The following HTR1E variants were observed in gnomAD, a reference collection of about 807,000 sequenced individuals.
HTR1E encodes the protein 5-hydroxytryptamine receptor 1E, also known as 5-HT-1E.
A neutral mutation model predicts 3.4 loss-of-function variants in HTR1E; 3 were observed. That is an observed-to-expected ratio of 0.89 (90% CI 0.41 to 2.31). HTR1E has a LOEUF of 2.31. Ranked by LOEUF, HTR1E falls within the 30% of genes most tolerant of loss-of-function variation. HTR1E has a pLI of 0.05. For synonymous variants in HTR1E, 170 were observed against 182.8 expected, an observed-to-expected ratio of 0.93 and a Z score of 0.56; for missense variants, 392 against 467.0, an observed-to-expected ratio of 0.84 and a Z score of 1.48.
At chr6:86,965,878 T>C (rs1469531043) in intron 1 of HTR1E, among the ~76,000 whole-genome samples, 2 of 152,016 alleles carry the variant, frequency 1.3e-5, no homozygotes, top group Non-Finnish European at 2.9e-5. Context: ...GGCTGAGGGA[T>C]AAAAGAATGC....
chr6:86,961,591 G>A (rs181696976), intron 1 of HTR1E, among the ~76,000 whole-genome samples: 10 of 152,220 alleles, frequency 6.6e-5, no homozygotes, highest in South Asian at 2.1e-4. Flanking sequence ...TGCCAAGTGC[G>A]TCAGCGTGTA....
chr6:86,981,865 C>T (rs1210589290), intron 1 of HTR1E, among the ~76,000 whole-genome samples: 1 of 151,946 alleles, frequency 6.6e-6, no homozygotes, highest in Admixed American at 6.6e-5. Flanking sequence ...ATGCCTCTAT[C>T]CTTGTTACCC....
chr6:86,980,171 A>T (rs1767691505), intron 1 of HTR1E, among the ~76,000 whole-genome samples: 1 of 152,094 alleles, frequency 6.6e-6, no homozygotes, highest in Non-Finnish European at 1.5e-5. Flanking sequence ...GCGGATCATG[A>T]GGTCATGAGA....
intron 1 of HTR1E, among the ~76,000 whole-genome samples, chr6:86,954,380 C>G (rs1316418059): frequency 1.3e-5 from 2 of 152,148 alleles, no homozygotes; most frequent in Non-Finnish European, 2.9e-5. Flanking sequence ...TAGAGGCCTG[C>G]CCCACAAATC....
intron 1 of HTR1E, among the ~76,000 whole-genome samples, chr6:86,974,108 T>C (rs1033246524): frequency 6.6e-6 from 1 of 152,198 alleles, no homozygotes; most frequent in Non-Finnish European, 1.5e-5. Flanking sequence ...TTTTTATGTT[T>C]TTACCTTTTT....
intron 1 of HTR1E, among the ~76,000 whole-genome samples, chr6:86,969,131 G>A (rs1305554794): frequency 2.0e-5 from 3 of 152,002 alleles, no homozygotes; most frequent in Non-Finnish European, 4.4e-5. Flanking sequence ...GTTTAGAAAC[G>A]CAGACATTCC....
At chr6:86,996,319 C>G (rs1362258064) in intron 1 of HTR1E, among the ~76,000 whole-genome samples, 1 of 152,056 alleles carries the variant, frequency 6.6e-6, no homozygotes, top group Non-Finnish European at 1.5e-5. Context: ...AGGAAAATCT[C>G]TAAACAGAAA....
rs779395495 is a variant in HTR1E, at chr6:87,016,509, T to A, written c.*77T>A. ...GGGGTAAGGGGTGCAACTTATTAAT[T>A]CTTGAACATACTTGGTTCAGGAGAG... On this transcript the variant is annotated 3_prime_UTR_variant, in exon 2 of 2. Transcript: ENST00000305344. 25 of 1,225,314 alleles carry A rather than the reference T, an allele frequency of 2.0e-5. No individual in the cohort carries two copies. Among genetic ancestry groups the A allele is most frequent in the Non-Finnish European group, 2.9e-5 (25 of 871,940 alleles). The allele number at this position is 1,225,314 out of a possible 1,614,324, so 75.9% of individuals were successfully genotyped here. A position where few individuals can be genotyped will look rare whatever the true frequency, so the allele number is the denominator to read the frequency against.
intron 1 of HTR1E, among the ~76,000 whole-genome samples, chr6:86,995,119 A>C (rs1404439606): frequency 6.6e-6 from 1 of 152,028 alleles, no homozygotes; most frequent in Non-Finnish European, 1.5e-5. Flanking sequence ...TGGCATACTT[A>C]AGGATTAACA....
chr6:86,972,907 A>G (rs570491346), intron 1 of HTR1E, among the ~76,000 whole-genome samples: 1 of 152,338 alleles, frequency 6.6e-6, no homozygotes, highest in South Asian at 2.1e-4. Flanking sequence ...TTCTGTTTTC[A>G]TAACTAGATC....
At position 87,010,545 on chromosome 6, in the gene HTR1E, C is replaced by T. The variant is rs567705284; in HGVS notation, c.-185-4605C>T. ...GCAGAGGCGCTCCCCACATCTCAGA[C>T]GATGGGCGGCCGGGCAGAGACGCTC... On this transcript the variant is annotated intron_variant, in intron 1 of 1. Transcript: ENST00000305344. 5.3e-3 allele frequency among the ~76,000 whole-genome samples: 709 copies of T among 134,922 alleles called. 2 individuals carry two copies. Among genetic ancestry groups the T allele is most frequent in the Non-Finnish European group, 7.9e-3 (495 of 62,388 alleles). 88.5% of individuals were successfully genotyped at this position (134,922 alleles called of 152,430 possible). A position where few individuals can be genotyped will look rare whatever the true frequency, so the allele number is the denominator to read the frequency against.
chr6:87,010,856 G>A (rs889077634), intron 1 of HTR1E, among the ~76,000 whole-genome samples: 20 of 152,108 alleles, frequency 1.3e-4, no homozygotes, highest in African/African-American at 4.6e-4. Context: ...GCTGCCTCCC[G>A]GGCGGCGCTC....
At chr6:86,966,085 C>T (rs777741947) in intron 1 of HTR1E, among the ~76,000 whole-genome samples, 32 of 151,898 alleles carry the variant, frequency 2.1e-4, no homozygotes, top group Non-Finnish European at 4.0e-4. Context: ...TCTAGTTGAT[C>T]CAGTCTTTCT....
chr6:86,962,885 A>C (rs2127820671), intron 1 of HTR1E, among the ~76,000 whole-genome samples: 1 of 152,278 alleles, frequency 6.6e-6, no homozygotes, highest in South Asian at 2.1e-4. Flanking sequence ...TACCACATAC[A>C]ATTATGTATA....
At chr6:86,993,657 A>G (rs1467636639) in intron 1 of HTR1E, among the ~76,000 whole-genome samples, 1 of 152,118 alleles carries the variant, frequency 6.6e-6, no homozygotes, top group Non-Finnish European at 1.5e-5. Context: ...GCAATCATCC[A>G]GCACTCCTCT....
At position 86,955,482 on chromosome 6, in the gene HTR1E, T is replaced by A. The variant is rs188102877; in HGVS notation, c.-186+17659T>A. Among the ~76,000 whole-genome samples the A allele has an allele frequency of 3.1e-3, 477 of 152,290 alleles. 1 individual carries two copies. The highest frequency in any genetic ancestry group is 3.6e-3 in the Non-Finnish European group (247 of 68,016). On this transcript the variant is annotated intron_variant, in intron 1 of 1. Transcript: ENST00000305344. The stretch of plus-strand genomic sequence containing the variant: ...CAGATGTAAAATCCCACCTTGGAAA[T>A]GTAGGTGACCACATGTAGAATTTTA...
chr6:86,994,230 G>C (rs1287535600), intron 1 of HTR1E, among the ~76,000 whole-genome samples: 1 of 152,030 alleles, frequency 6.6e-6, no homozygotes, highest in Non-Finnish European at 1.5e-5. Flanking sequence ...TTAAAATAAT[G>C]GCTAAAAATG....
chr6:86,991,581 C>T (rs1349400858), intron 1 of HTR1E, among the ~76,000 whole-genome samples: 3 of 152,130 alleles, frequency 2.0e-5, no homozygotes, highest in Non-Finnish European at 2.9e-5. Flanking sequence ...AGACAGAAGA[C>T]TTGAGAAAAC....
At position 86,990,917 on chromosome 6, in the gene HTR1E, T is replaced by C. The variant is rs1767862678; in HGVS notation, c.-185-24233T>C. On this transcript the variant is annotated intron_variant, in intron 1 of 1. Transcript: ENST00000305344. Reference sequence around the variant, plus strand: ...ATAGAGCAGGGAAAGGGAAAAATAGTAACTTTATAGTGGAGAATCATGGCA... The same window carrying C: ...ATAGAGCAGGGAAAGGGAAAAATAGCAACTTTATAGTGGAGAATCATGGCA... 1.3e-5 allele frequency among the ~76,000 whole-genome samples: 2 copies of C among 152,260 alleles called. 1 individual carries two copies. The highest frequency in any genetic ancestry group is 4.1e-4 in the South Asian group (2 of 4,820).
Sources: allele counts gnomAD v4.1 joint callset (sites outside exome capture counted in the v4.1 genomes callset), GRCh38; gene constraint gnomAD v4.1.1; transcripts MANE v1.5; gene names NCBI Gene and HGNC (gene_info 2026-07-23, HGNC 2026-07-21).